The following CALN1 variants were observed in gnomAD, a reference collection of about 807,000 sequenced individuals.
CALN1 encodes the protein calcium-binding protein 8.
Under a neutral mutation model 30.6 loss-of-function variants are expected in CALN1, and 17 were observed. The ratio of observed to expected loss-of-function variants is 0.56; its 90% CI spans 0.38 to 0.83. The LOEUF (loss-of-function observed/expected upper bound fraction) is 0.83, where lower values mean the gene tolerates loss of function less well. Ranked by LOEUF, CALN1 falls within the 40% of genes least tolerant of loss-of-function variation. The pLI is 0.00. For synonymous variants in CALN1, 156 were observed against 131.4 expected, an observed-to-expected ratio of 1.19 and a Z score of -1.28; for missense variants, 291 against 354.9, an observed-to-expected ratio of 0.82 and a Z score of 1.45.
chr7:72,390,042 T>C (rs1805477042), intron 2 of CALN1, among the ~76,000 whole-genome samples: 1 of 152,102 alleles, frequency 6.6e-6, no homozygotes. Context: ...TGATGAGTTC[T>C]ATGGGCTGGC....
intron 2 of CALN1, among the ~76,000 whole-genome samples, chr7:72,280,135 A>T (rs185703847): frequency 2.0e-5 from 3 of 152,324 alleles, no homozygotes; most frequent in Admixed American, 6.5e-5. Flanking sequence ...TTTCAAACTC[A>T]AAATGTCTAA....
chr7:71,927,662 A>T (rs1795337291), intron 5 of CALN1, among the ~76,000 whole-genome samples: 2 of 151,972 alleles, frequency 1.3e-5, no homozygotes, highest in Non-Finnish European at 2.9e-5. Flanking sequence ...CTCTTCTCTC[A>T]GTGATAGATT....
At chr7:72,301,228 G>C (rs1163252525) in intron 2 of CALN1, among the ~76,000 whole-genome samples, 2 of 152,138 alleles carry the variant, frequency 1.3e-5, no homozygotes, top group South Asian at 4.1e-4. Flanking sequence ...ATCTGGACTG[G>C]AGACAGGGTG....
rs192944259 is a variant in CALN1 at position 71,816,261 on chromosome 7, G to T, written c.502-5769C>A. Among the ~76,000 whole-genome samples the T allele has an allele frequency of 1.7e-3, 257 of 152,258 alleles. 1 individual carries two copies. Among genetic ancestry groups the T allele is most frequent in the Admixed American group, 0.015 (230 of 15,284 alleles). The stretch of plus-strand genomic sequence containing the variant: ...TTATACACTTCAGAGCAACTGAAGG[G>T]GAGGTGTAAAACAAACTTGTTTTCT... On this transcript the variant is annotated intron_variant, in intron 5 of 6. Coordinates refer to ENST00000395275, the MANE Select transcript of CALN1 (RefSeq NM_031468.4).
intron 3 of CALN1, among the ~76,000 whole-genome samples, chr7:72,206,861 T>C (rs1485601655): frequency 6.6e-6 from 1 of 152,206 alleles, no homozygotes; most frequent in Non-Finnish European, 1.5e-5. Flanking sequence ...TCATCCCACC[T>C]GGCCACCTGG....
chr7:72,109,054 C>T (rs1807377456), intron 3 of CALN1, among the ~76,000 whole-genome samples: 1 of 152,192 alleles, frequency 6.6e-6, no homozygotes, highest in South Asian at 2.1e-4. Context: ...GTAAGCACCT[C>T]CTACCCTTCT....
chr7:71,839,922 T>C lies in CALN1; in HGVS notation c.502-29430A>G, dbSNP rs1415243952. ...GTGGGAAGGTGGACCCCTCTCTCTA[T>C]GGAGGGCTGCCCAGGTCACATGCAG... On this transcript the variant is annotated intron_variant, in intron 5 of 6. Transcript: ENST00000395275. Among the ~76,000 whole-genome samples, 5 of 152,044 alleles carry C rather than the reference T, an allele frequency of 3.3e-5. No homozygotes were observed. The South Asian group carries it at 6.2e-4, about 19-fold the overall frequency.
intron 3 of CALN1, among the ~76,000 whole-genome samples, chr7:72,203,915 T>C (rs1012230469): frequency 1.1e-4 from 17 of 151,306 alleles, no homozygotes; most frequent in African/African-American, 3.4e-4. Flanking sequence ...AGAAAAACAT[T>C]GTTACCTTTC....
chr7:71,830,929 G>A (rs970300928), intron 5 of CALN1, among the ~76,000 whole-genome samples: 10 of 152,180 alleles, frequency 6.6e-5, no homozygotes, highest in Non-Finnish European at 1.3e-4. Flanking sequence ...GCAGAGGTAA[G>A]AACTCATTGA....
intron 3 of CALN1, among the ~76,000 whole-genome samples, chr7:72,139,088 T>C (rs11773040): frequency 0.29 from 44,803 of 152,054 alleles, 7,112 homozygotes; most frequent in Non-Finnish European, 0.35. Flanking sequence ...AATCACGCTT[T>C]GCTTCAGCTT....
intron 5 of CALN1, among the ~76,000 whole-genome samples, chr7:71,889,976 A>G (rs1438929961): frequency 6.6e-6 from 1 of 152,122 alleles, no homozygotes; most frequent in Non-Finnish European, 1.5e-5. Flanking sequence ...GAAAAAAAAA[A>G]AAAAAAGAAT....
chr7:71,791,889 C>A (rs1400047183), intron 6 of CALN1, among the ~76,000 whole-genome samples: 1 of 152,014 alleles, frequency 6.6e-6, no homozygotes, highest in East Asian at 1.9e-4. Flanking sequence ...CGGGCGCCTG[C>A]AGTCCCAGCT....
intron 5 of CALN1, among the ~76,000 whole-genome samples, chr7:71,891,413 T>C (rs1048112642): frequency 6.6e-6 from 1 of 152,182 alleles, no homozygotes; most frequent in South Asian, 2.1e-4. Flanking sequence ...CCAACTTCCA[T>C]GGTGCTTTCT....
At chr7:72,186,198 A>C (rs2129546462) in intron 3 of CALN1, among the ~76,000 whole-genome samples, 1 of 152,264 alleles carries the variant, frequency 6.6e-6, no homozygotes, top group African/African-American at 2.4e-5. Flanking sequence ...CTGCTGCCCC[A>C]CCCATCACTT....
chr7:72,494,263 CA>C, the CALN1 span, among the ~76,000 whole-genome samples: 1 of 152,212 alleles, frequency 6.6e-6, no homozygotes, highest in South Asian at 2.1e-4. Flanking sequence ...CGGGGATGCA[CA>C]ACACTGCCCT....
chr7:72,312,456 C>G (rs968866344), intron 2 of CALN1, among the ~76,000 whole-genome samples: 19 of 151,148 alleles, frequency 1.3e-4, no homozygotes, highest in Admixed American at 1.2e-3. Context: ...TTGTTGTTCA[C>G]CCCATGTTAT....
chr7:72,000,907 T>C (rs1057242203), intron 5 of CALN1, among the ~76,000 whole-genome samples: 5 of 152,210 alleles, frequency 3.3e-5, no homozygotes, highest in Admixed American at 2.6e-4. Context: ...CGACCAGGAA[T>C]GTCAGAAGAC....
intron 5 of CALN1, among the ~76,000 whole-genome samples, chr7:71,915,079 G>A (rs980582487): frequency 6.6e-6 from 1 of 152,200 alleles, no homozygotes; most frequent in East Asian, 1.9e-4. Flanking sequence ...ACATCACAAA[G>A]GGATTAGTCT....
intron 4 of CALN1, among the ~76,000 whole-genome samples, chr7:72,049,393 C>G (rs1455166987): frequency 6.6e-6 from 1 of 152,168 alleles, no homozygotes; most frequent in Non-Finnish European, 1.5e-5. Flanking sequence ...GGAAGACTTT[C>G]ATGTGCTATC....
Sources: allele counts gnomAD v4.1 joint callset (sites outside exome capture counted in the v4.1 genomes callset), GRCh38; gene constraint gnomAD v4.1.1; transcripts MANE v1.5; gene names NCBI Gene and HGNC (gene_info 2026-07-23, HGNC 2026-07-21).